The following RNF130 variants were observed in gnomAD, a reference collection of about 807,000 sequenced individuals.
RNF130 encodes ring finger protein 130.
RNF130 carries 21 observed loss-of-function variants against 44.6 expected under a neutral mutation model. That is an observed-to-expected ratio of 0.47 (90% CI 0.33 to 0.68). RNF130 has a LOEUF of 0.68. Ranked by LOEUF, RNF130 falls within the 30% of genes least tolerant of loss-of-function variation. The pLI is 0.02. For synonymous variants in RNF130, 214 were observed against 210.4 expected (o/e 1.02, Z -0.15); for missense variants, 479 against 560.6 (o/e 0.85, Z 1.47).
chr5:179,925,795 A>G (rs548131795), intron 7 of RNF130, among the ~76,000 whole-genome samples: 114 of 152,268 alleles, frequency 7.5e-4, no homozygotes, highest in African/African-American at 2.7e-3. Flanking sequence ...GGCCTCCTAA[A>G]GTGCTGGGAT....
chr5:179,993,009 A>G (rs1034139944), intron 3 of RNF130, among the ~76,000 whole-genome samples: 1 of 152,198 alleles, frequency 6.6e-6, no homozygotes, highest in Non-Finnish European at 1.5e-5. Flanking sequence ...TTTGCTGAGA[A>G]TGATGGTTTC....
intron 2 of RNF130, among the ~76,000 whole-genome samples, chr5:180,020,739 G>A (rs1292851978): frequency 1.3e-5 from 2 of 152,170 alleles, no homozygotes; most frequent in Non-Finnish European, 2.9e-5. Flanking sequence ...AAGGGGGCAG[G>A]AGCAAGCACC....
At chr5:179,947,631 T>C (rs537226841) in intron 7 of RNF130, among the ~76,000 whole-genome samples, 4 of 152,222 alleles carry the variant, frequency 2.6e-5, no homozygotes, top group Non-Finnish European at 5.9e-5. Context: ...ACGGAGTTAA[T>C]AAGAGGGTTG....
At chr5:180,054,441 G>A (rs570754510) in intron 1 of RNF130, among the ~76,000 whole-genome samples, 3 of 152,170 alleles carry the variant, frequency 2.0e-5, no homozygotes, top group East Asian at 3.9e-4. Context: ...CATTCCTTTC[G>A]CATCCTCCCT....
chr5:179,974,427 T>C (rs1006035521), intron 5 of RNF130, among the ~76,000 whole-genome samples: 2 of 152,228 alleles, frequency 1.3e-5, no homozygotes, highest in African/African-American at 4.8e-5. Context: ...TCAGCCGTGA[T>C]CACTGAGCCG....
At position 179,956,922 on chromosome 5, in the gene RNF130, T is replaced by C. The variant is rs146399233; in HGVS notation, c.1245-1253A>G. 5.3e-4 allele frequency among the ~76,000 whole-genome samples: 80 copies of C among 152,316 alleles called. 1 individual carries two copies. In the East Asian group the frequency reaches 0.011, roughly 21 times the overall value. Reference sequence around the variant, plus strand: ...CAGCATCTCAATGAATGAGGGGGCGTTGTCAACTTTTTTGAAAAACCTCTG... The same window carrying C: ...CAGCATCTCAATGAATGAGGGGGCGCTGTCAACTTTTTTGAAAAACCTCTG... On this transcript the variant is annotated intron_variant, in intron 8 of 8. Coordinates refer to ENST00000521389, the MANE Select transcript of RNF130 (RefSeq NM_018434.6).
intron 3 of RNF130, among the ~76,000 whole-genome samples, chr5:179,991,154 A>G (rs1763074020): frequency 6.6e-6 from 1 of 152,122 alleles, no homozygotes; most frequent in African/African-American, 2.4e-5. Flanking sequence ...ATCTTTCCCT[A>G]TCTGCTGAGA....
At chr5:180,000,337 T>C (rs1763303860) in intron 3 of RNF130, among the ~76,000 whole-genome samples, 1 of 152,236 alleles carries the variant, frequency 6.6e-6, no homozygotes, top group Non-Finnish European at 1.5e-5. Flanking sequence ...GTGAACTCTT[T>C]CACTCTCGAC....
chr5:180,040,747 A>C, intron 1 of RNF130, 100 bp from the exon 2 acceptor site: 1 of 1,097,794 alleles, frequency 9.1e-7, no homozygotes, highest in South Asian at 1.7e-5. Context: ...GAGCTAAAGC[A>C]CGTGAAGCAG....
At chr5:179,974,823 G>A (rs1762680895) in intron 5 of RNF130, among the ~76,000 whole-genome samples, 1 of 152,274 alleles carries the variant, frequency 6.6e-6, no homozygotes, top group Admixed American at 6.5e-5. Flanking sequence ...GAGGAAGGGA[G>A]AGAGCAGGCA....
At chr5:179,995,780 C>T (rs1300906630) in intron 3 of RNF130, among the ~76,000 whole-genome samples, 3 of 152,182 alleles carry the variant, frequency 2.0e-5, no homozygotes, top group African/African-American at 4.8e-5. Context: ...CTGTTTTTAG[C>T]CAGACTCTGC....
chr5:180,043,222 A>G (rs983808588), intron 1 of RNF130, among the ~76,000 whole-genome samples: 2 of 152,182 alleles, frequency 1.3e-5, no homozygotes, highest in African/African-American at 2.4e-5. Context: ...CTACTCAGGA[A>G]GCTGAGATGG....
intron 5 of RNF130, among the ~76,000 whole-genome samples, chr5:179,972,769 G>A (rs536745459): frequency 1.3e-5 from 2 of 152,190 alleles, no homozygotes; most frequent in East Asian, 3.9e-4. Context: ...GAACCAAATG[G>A]TATAATCCTC....
downstream of RNF130, among the ~76,000 whole-genome samples, chr5:179,954,549 CA>C: frequency 6.6e-6 from 1 of 152,230 alleles, no homozygotes; most frequent in Non-Finnish European, 1.5e-5. Context: ...AGTAGATTTC[CA>C]GGTTTCCAGG....
intron 7 of RNF130, among the ~76,000 whole-genome samples, chr5:179,929,155 G>C (rs2113674703): frequency 6.6e-6 from 1 of 152,230 alleles, no homozygotes; most frequent in Middle Eastern, 3.4e-3. Context: ...GTGTGAAGTA[G>C]GAATTAAGAT....
chr5:180,015,435 C>A, intron 2 of RNF130: 1 of 481,998 alleles, frequency 2.1e-6, no homozygotes, highest in Non-Finnish European at 4.5e-6. Flanking sequence ...CTCTTGAAGA[C>A]TCAAGCTGGA....
At chr5:180,064,002 C>G (rs1175239854) in intron 1 of RNF130, among the ~76,000 whole-genome samples, 2 of 152,176 alleles carry the variant, frequency 1.3e-5, no homozygotes, top group African/African-American at 4.8e-5. Flanking sequence ...GTGCCCAATT[C>G]CATTACCGCT....
At chr5:179,946,287 G>T (rs1465292296) in intron 7 of RNF130, among the ~76,000 whole-genome samples, 2 of 152,202 alleles carry the variant, frequency 1.3e-5, no homozygotes, top group African/African-American at 4.8e-5. Context: ...TGCCATAGCC[G>T]CGCGGGGTCT....
chr5:179,983,626 T>C (rs1257871788), intron 3 of RNF130, among the ~76,000 whole-genome samples: 5 of 152,220 alleles, frequency 3.3e-5, no homozygotes, highest in African/African-American at 7.2e-5. Flanking sequence ...TCTTGATATT[T>C]TGCATTCCCA....
Sources: allele counts gnomAD v4.1 joint callset (sites outside exome capture counted in the v4.1 genomes callset), GRCh38; gene constraint gnomAD v4.1.1; transcripts MANE v1.5; gene names NCBI Gene and HGNC (gene_info 2026-07-23, HGNC 2026-07-21).